The following MAPK4 variants were observed in gnomAD, a reference collection of about 807,000 sequenced individuals.
MAPK4 encodes the protein mitogen-activated protein kinase 4.
A neutral mutation model predicts 47.7 loss-of-function variants in MAPK4; 22 were observed. The ratio of observed to expected loss-of-function variants is 0.46; its 90% CI spans 0.33 to 0.66. MAPK4 has a LOEUF of 0.66. MAPK4 is among the 30% of genes least tolerant of loss of function. The probability of loss-of-function intolerance (pLI) is 0.02; values close to 1 mark genes in which losing one functional copy is unlikely to be tolerated. For synonymous variants in MAPK4, 390 were observed against 365.7 expected, an observed-to-expected ratio of 1.07 and a Z score of -0.76; for missense variants, 736 against 831.7, an observed-to-expected ratio of 0.88 and a Z score of 1.42.
At chr18:50,672,338 G>A (rs1215713960) in intron 2 of MAPK4, among the ~76,000 whole-genome samples, 1 of 152,202 alleles carries the variant, frequency 6.6e-6, no homozygotes, top group Non-Finnish European at 1.5e-5. Context: ...CACTAAGCAT[G>A]TTATTCCAAA....
intron 1 of MAPK4, among the ~76,000 whole-genome samples, chr18:50,619,714 A>G (rs2059697406): frequency 6.6e-6 from 1 of 152,230 alleles, no homozygotes; most frequent in African/African-American, 2.4e-5. Flanking sequence ...TCTTTTCAGT[A>G]AGACTTTCTC....
At chr18:50,605,945 G>T (rs1175001546) in intron 1 of MAPK4, among the ~76,000 whole-genome samples, 1 of 151,976 alleles carries the variant, frequency 6.6e-6, no homozygotes, top group Non-Finnish European at 1.5e-5. Flanking sequence ...AGTCATGAGG[G>T]CAGACTCTGG....
intron 2 of MAPK4, among the ~76,000 whole-genome samples, chr18:50,691,932 T>C (rs1403604521): frequency 6.6e-6 from 1 of 152,170 alleles, no homozygotes; most frequent in East Asian, 1.9e-4. Context: ...ATCTACACTT[T>C]GGTTACCCCC....
At chr18:50,671,405 G>T (rs886527692) in intron 2 of MAPK4, among the ~76,000 whole-genome samples, 5 of 152,188 alleles carry the variant, frequency 3.3e-5, no homozygotes, top group African/African-American at 4.8e-5. Context: ...TTATTTAAAA[G>T]CAAAAACACT....
At chr18:50,721,567 A>AT (rs1910936664) in intron 3 of MAPK4, among the ~76,000 whole-genome samples, 1 of 152,128 alleles carries the variant, frequency 6.6e-6, no homozygotes, top group African/African-American at 2.4e-5. Context: ...TTCCTTCCCC[A>AT]TCCTAGTAAA....
At position 50,610,608 on chromosome 18, in the gene MAPK4, A is replaced by T. The variant is rs540680979; in HGVS notation, c.-871+50365A>T. Among the ~76,000 whole-genome samples, 92 of 152,308 alleles carry T rather than the reference A, an allele frequency of 6.0e-4. No homozygotes were observed. In the South Asian group the frequency reaches 0.018, roughly 31 times the overall value. ...AGCACTGTGATTTGCAGATTTTCTG[A>T]TTTCCAGCCCAGTATAATTGAACAG... On this transcript the variant is annotated intron_variant, in intron 1 of 5. Coordinates refer to ENST00000400384, the MANE Select transcript of MAPK4 (RefSeq NM_002747.4).
At chr18:50,614,712 T>G (rs1257908589) in intron 1 of MAPK4, among the ~76,000 whole-genome samples, 1 of 152,262 alleles carries the variant, frequency 6.6e-6, no homozygotes, top group African/African-American at 2.4e-5. Context: ...GTGTATATAT[T>G]TAAAGGTTAC....
At chr18:50,718,579 C>T (rs1471488861) in intron 3 of MAPK4, among the ~76,000 whole-genome samples, 1 of 152,106 alleles carries the variant, frequency 6.6e-6, no homozygotes, top group Non-Finnish European at 1.5e-5. Context: ...GCAGATTTAT[C>T]TAATAAGGAG....
chr18:50,729,487 C>A lies in MAPK4; in HGVS notation c.1397C>A (p.Ala466Glu), dbSNP rs1443679870. The stretch of plus-strand genomic sequence containing the variant: ...CTGGACCTGTCGCACTGGAAGCAGG[C>A]GGCCGGCGCGCCCCCCACGGCCACG... ...LILDLSHWKQ[A>E]AGAPPTATGL... Residue 466 changes from alanine (A) to glutamate (E), a missense_variant, in exon 6 of 6, where the codon GCG becomes GAG. Around this residue, in one of 3 missense-constraint regions of MAPK4, gnomAD observed 377 missense variants for 378.6 expected, o/e 1.00. Coordinates refer to ENST00000400384, the MANE Select transcript of MAPK4 (RefSeq NM_002747.4). 4 of 1,465,364 alleles carry A rather than the reference C, an allele frequency of 2.7e-6. No individual in the cohort carries two copies. Among genetic ancestry groups the A allele is most frequent in the Non-Finnish European group, 2.7e-6 (3 of 1,104,198 alleles). The allele number at this position is 1,465,364 out of a possible 1,614,324, so 90.8% of individuals were successfully genotyped here.
chr18:50,674,015 A>C (rs1160915935), intron 2 of MAPK4, among the ~76,000 whole-genome samples: 1 of 152,090 alleles, frequency 6.6e-6, no homozygotes, highest in African/African-American at 2.4e-5. Flanking sequence ...CTGATTAATG[A>C]ATATTATTAA....
chr18:50,652,025 T>C (rs1422630406), intron 1 of MAPK4, among the ~76,000 whole-genome samples: 1 of 152,256 alleles, frequency 6.6e-6, no homozygotes, highest in Non-Finnish European at 1.5e-5. Flanking sequence ...TGGTCATGAC[T>C]GTACTTATTT....
chr18:50,655,958 G>A (rs3911593), intron 1 of MAPK4, among the ~76,000 whole-genome samples: 100,625 of 151,936 alleles, frequency 0.66, 34,498 homozygotes, highest in East Asian at 0.76. Context: ...CTATATGCCA[G>A]ACACTGCCCT....
intron 1 of MAPK4, among the ~76,000 whole-genome samples, chr18:50,658,395 T>C (rs951004201): frequency 1.8e-4 from 27 of 152,198 alleles, no homozygotes; most frequent in Admixed American, 6.5e-5. Context: ...TGGACCAACC[T>C]GAGTTGACAT....
chr18:50,601,330 T>C (rs1296410172), intron 1 of MAPK4, among the ~76,000 whole-genome samples: 1 of 58,000 alleles, frequency 1.7e-5, no homozygotes, highest in Non-Finnish European at 3.5e-5. Context: ...CAAGACTCTA[T>C]GTCAAAAAAA....
At chr18:50,719,352 AC>A (rs1211335252) in intron 3 of MAPK4, among the ~76,000 whole-genome samples, 9 of 151,500 alleles carry the variant, frequency 5.9e-5, no homozygotes, top group South Asian at 4.2e-4. Context: ...AGGGTTAAAA[AC>A]AAAACAAAAA....
At position 50,678,077 on chromosome 18, in the gene MAPK4, A is replaced by G. The variant is rs1266562266; in HGVS notation, c.546+13573A>G. Among the ~76,000 whole-genome samples, 1 of 152,214 alleles carries G rather than the reference A, an allele frequency of 6.6e-6. No homozygotes were observed. Among genetic ancestry groups the G allele is most frequent in the Non-Finnish European group, 1.5e-5 (1 of 68,040 alleles). ...CTCAGGCTGGCTCCATCCCCTCATAATAACTCAGGTTTCTGTGTTCTCAGA... is the reference window on the plus strand; with the variant it reads ...CTCAGGCTGGCTCCATCCCCTCATAGTAACTCAGGTTTCTGTGTTCTCAGA... On this transcript the variant is annotated intron_variant, in intron 2 of 5. Transcript: ENST00000400384. The surrounding 1 kb of genome is among the most constrained non-coding windows in gnomAD (Gnocchi z 4.2).
intron 2 of MAPK4, among the ~76,000 whole-genome samples, chr18:50,710,808 TAAATAAATAA>T (rs1234223663): frequency 6.6e-6 from 1 of 151,574 alleles, no homozygotes. Flanking sequence ...AATAAATAAA[TAAATAAATAA>T]ATAAATAAAT....
intron 3 of MAPK4, among the ~76,000 whole-genome samples, chr18:50,719,638 C>G (rs995871065): frequency 6.6e-6 from 1 of 152,174 alleles, no homozygotes. Flanking sequence ...ATTCTCCCAG[C>G]CTTGAACCCT....
chr18:50,580,061 T>C (rs2042330163), intron 1 of MAPK4, among the ~76,000 whole-genome samples: 1 of 152,182 alleles, frequency 6.6e-6, no homozygotes. Context: ...AGGAAATCTA[T>C]TCCAACAGGT....
Sources: allele counts gnomAD v4.1 joint callset (sites outside exome capture counted in the v4.1 genomes callset), GRCh38; gene constraint gnomAD v4.1.1; regional missense constraint gnomAD v4.1.1; non-coding constraint Gnocchi (gnomAD v3.1); transcripts MANE v1.5; gene names NCBI Gene and HGNC (gene_info 2026-07-23, HGNC 2026-07-21).